Variants in ARHGAP31 observed in about 807,000 individuals in gnomAD.
ARHGAP31 encodes rho GTPase-activating protein 31.
Under a neutral mutation model 113.9 loss-of-function variants are expected in ARHGAP31, and 34 were observed. The observed-to-expected ratio is 0.30, with a 90% CI of 0.23 to 0.40. The LOEUF (loss-of-function observed/expected upper bound fraction) is 0.40. Ranked by LOEUF, ARHGAP31 falls within the 10% of genes least tolerant of loss-of-function variation. The pLI is 1.00. For synonymous variants in ARHGAP31, 650 were observed against 684.8 expected (o/e 0.95, Z 0.79); for missense variants, 1,548 against 1,767.1 (o/e 0.88, Z 2.22).
At chr3:119,391,968 C>G (rs2080508916) in intron 7 of ARHGAP31, among the ~76,000 whole-genome samples, 1 of 152,176 alleles carries the variant, frequency 6.6e-6, no homozygotes, top group Non-Finnish European at 1.5e-5. Flanking sequence ...CTCCAGAGAT[C>G]AGGAAGAATA....
At chr3:119,355,565 C>T (rs947687497) in intron 1 of ARHGAP31, among the ~76,000 whole-genome samples, 9 of 151,396 alleles carry the variant, frequency 5.9e-5, no homozygotes, top group African/African-American at 2.2e-4. Context: ...TATACATGTG[C>T]CATGTTGGTG....
intron 1 of ARHGAP31, among the ~76,000 whole-genome samples, chr3:119,345,604 T>G (rs2080049500): frequency 6.6e-6 from 1 of 152,144 alleles, no homozygotes; most frequent in Admixed American, 6.5e-5. Flanking sequence ...ACTGTGTCCT[T>G]GGAACCTAGC....
intron 3 of ARHGAP31, among the ~76,000 whole-genome samples, chr3:119,370,199 G>A (rs1311690973): frequency 1.3e-5 from 2 of 152,154 alleles, no homozygotes; most frequent in Non-Finnish European, 2.9e-5. Context: ...AAGAAGAAAG[G>A]TGTGAGCTTC....
intron 8 of ARHGAP31, among the ~76,000 whole-genome samples, chr3:119,395,503 A>C (rs1577027839): frequency 2.0e-5 from 3 of 152,206 alleles, no homozygotes; most frequent in African/African-American, 7.2e-5. Context: ...TGCTGTGGCA[A>C]AGTGGCTGTA....
At position 119,399,216 on chromosome 3, in the gene ARHGAP31, C is replaced by T. The variant is rs563761648; in HGVS notation, c.1024C>T (p.Arg342Ter). The change falls in exon 9 of 12, where the codon CGA becomes TGA. Residue 342 changes from arginine (R) to a stop codon, truncating the protein, a stop_gained. Transcript: ENST00000264245. LOFTEE classifies it high-confidence loss of function. ...QRLSVEKATI[R>*]PAKSMDSLCS... ...GTCTTTAGTGGAAAAGGCTACTATC[C>T]GACCAGCTAAAAGCATGGACTCACT... 4 of 1,613,480 alleles carry T rather than the reference C, an allele frequency of 2.5e-6. No individual in the cohort carries two copies. Among genetic ancestry groups the T allele is most frequent in the Middle Eastern group, 1.6e-4 (1 of 6,084 alleles).
At chr3:119,338,774 T>C (rs563644495) in intron 1 of ARHGAP31, among the ~76,000 whole-genome samples, 13 of 152,344 alleles carry the variant, frequency 8.5e-5, no homozygotes, top group African/African-American at 2.2e-4. Context: ...TATACACTTA[T>C]TACTGAACAT....
At chr3:119,331,788 GAC>G (rs1207456450) in intron 1 of ARHGAP31, among the ~76,000 whole-genome samples, 1 of 152,158 alleles carries the variant, frequency 6.6e-6, no homozygotes, top group Non-Finnish European at 1.5e-5. Flanking sequence ...CTTAAAGTTT[GAC>G]TCAGAAGAAA....
At position 119,390,966 on chromosome 3, in the gene ARHGAP31, T is replaced by A; in HGVS notation, c.864T>A (p.Leu288=). The A allele has an allele frequency of 6.2e-7, 1 of 1,614,178 alleles. No individual in the cohort carries two copies. The highest frequency in any genetic ancestry group is 8.5e-7 in the Non-Finnish European group (1 of 1,180,034). Residue 288 remains leucine, a synonymous_variant, in exon 7 of 12, where the codon CTT becomes CTA. Transcript: ENST00000264245. ...PPMGTLFHTV[L]ELPDNKRKLS... The stretch of plus-strand genomic sequence containing the variant: ...TGGGCACCCTCTTCCACACTGTCCT[T>A]GAGTTACCAGACAACAAGTAAGTGG...
intron 11 of ARHGAP31, among the ~76,000 whole-genome samples, chr3:119,410,820 CT>C (rs1311979758): frequency 2.0e-5 from 3 of 152,230 alleles, no homozygotes; most frequent in Non-Finnish European, 2.9e-5. Flanking sequence ...CCATCCCTGC[CT>C]TCTTGGAGCT....
rs75191019 is a variant in ARHGAP31 at position 119,393,229 on chromosome 3, C to G, written c.882-238C>G. 0.021 allele frequency among the ~76,000 whole-genome samples: 3,244 copies of G among 152,218 alleles called. 103 individuals are homozygous for G. The highest frequency in any genetic ancestry group is 0.072 in the African/African-American group (2,980 of 41,514). On this transcript the variant is annotated intron_variant, in intron 7 of 11. Coordinates refer to ENST00000264245, the MANE Select transcript of ARHGAP31 (RefSeq NM_020754.4). ...CCCACCTCTGCCTTTAATAGCACAC[C>G]TTTACCTCTTGCCCTGGGAAATACA...
intron 1 of ARHGAP31, among the ~76,000 whole-genome samples, chr3:119,297,940 A>ACACACC (rs2079547619): frequency 6.6e-6 from 1 of 151,220 alleles, no homozygotes; most frequent in Non-Finnish European, 1.5e-5. Flanking sequence ...ACACACACAC[A>ACACACC]CACACCGTGT....
At chr3:119,305,835 C>T (rs1282199081) in intron 1 of ARHGAP31, among the ~76,000 whole-genome samples, 3 of 152,182 alleles carry the variant, frequency 2.0e-5, no homozygotes, top group Non-Finnish European at 4.4e-5. Flanking sequence ...TCTGAGGCTG[C>T]ATTAAAGCTG....
At chr3:119,368,310 C>A (rs2080266899) in intron 2 of ARHGAP31, 62 bp from the exon 3 acceptor site, 6 of 1,598,264 alleles carry the variant, frequency 3.8e-6, no homozygotes, top group Non-Finnish European at 5.1e-6. Flanking sequence ...AGCAGCCAAG[C>A]AGCTGCTGAC....
chr3:119,303,061 T>G (rs2079599152), intron 1 of ARHGAP31, among the ~76,000 whole-genome samples: 1 of 152,220 alleles, frequency 6.6e-6, no homozygotes, highest in Non-Finnish European at 1.5e-5. Context: ...GTGTACCCAA[T>G]TTGTTATGCA....
At chr3:119,324,947 T>A in intron 1 of ARHGAP31, 1 of 456,700 alleles carries the variant, frequency 2.2e-6, no homozygotes, top group Non-Finnish European at 4.4e-6. Context: ...AAGGTGAAAA[T>A]GTGTCATTTG....
chr3:119,327,265 G>A (rs945353808), intron 1 of ARHGAP31, among the ~76,000 whole-genome samples: 8 of 152,132 alleles, frequency 5.3e-5, no homozygotes, highest in Non-Finnish European at 8.8e-5. Context: ...AACGTCAGCC[G>A]GGCACAGTGG....
rs370400711 is a variant in ARHGAP31 at position 119,382,456 on chromosome 3, T to C, written c.539+57T>C. The stretch of plus-strand genomic sequence containing the variant: ...CCAGGGGGCTCAGAGCAGCCCCCGA[T>C]TGAAATGAAGATTGGATTCTTCAAA... On this transcript the variant is annotated intron_variant, in intron 5 of 11. Transcript: ENST00000264245. 6.0e-5 allele frequency: 91 copies of C among 1,505,514 alleles called. No individual in the cohort carries two copies. The African/African-American group carries it at 1.0e-3, about 17-fold the overall frequency. The allele number at this position is 1,505,514 out of a possible 1,614,324, so 93.3% of individuals were successfully genotyped here.
Position 119,414,981 on chromosome 3 carries a change from G to T in ARHGAP31, c.3052G>T (p.Ala1018Ser). The change falls in exon 12 of 12, where the codon GCT becomes TCT. Residue 1018 changes from alanine (A) to serine (S), a missense_variant. Ala to Ser is a moderately conservative substitution (Grantham distance 99). Coordinates refer to ENST00000264245, the MANE Select transcript of ARHGAP31 (RefSeq NM_020754.4). ...REFSGLKGAE[A>S]PPNQKGPSGV... Reference sequence around the variant, plus strand: ...GTTCTCTGGCCTGAAAGGGGCAGAGGCTCCTCCCAACCAGAAGGGACCAAG... The same window carrying T: ...GTTCTCTGGCCTGAAAGGGGCAGAGTCTCCTCCCAACCAGAAGGGACCAAG... The T allele has an allele frequency of 6.2e-7, 1 of 1,614,170 alleles. No homozygotes were observed. Among genetic ancestry groups the T allele is most frequent in the East Asian group, 2.2e-5 (1 of 44,882 alleles).
chr3:119,401,715 TG>T (rs2080608971), intron 9 of ARHGAP31, 106 bp from the exon 10 acceptor site: 7 of 1,042,716 alleles, frequency 6.7e-6, no homozygotes, highest in Non-Finnish European at 1.0e-5. Flanking sequence ...CCTGTTAGAA[TG>T]CTGTGCCTCT....
Sources: allele counts gnomAD v4.1 joint callset (sites outside exome capture counted in the v4.1 genomes callset), GRCh38; gene constraint gnomAD v4.1.1; transcripts MANE v1.5; gene names NCBI Gene and HGNC (gene_info 2026-07-23, HGNC 2026-07-21).